The following CREM variants were observed in gnomAD, a reference collection of about 807,000 sequenced individuals.
CREM encodes the protein cAMP-responsive element modulator.
Under a neutral mutation model 37.3 loss-of-function variants are expected in CREM, and 13 were observed. That is an observed-to-expected ratio of 0.35 (90% CI 0.23 to 0.55). The LOEUF (loss-of-function observed/expected upper bound fraction) is 0.55, where lower values mean the gene tolerates loss of function less well. Among genes scored for constraint, CREM ranks in the 20% least tolerant of loss-of-function variants. CREM has a pLI of 0.88. For missense variants in CREM, 296 were observed against 362.3 expected (o/e 0.82, Z 1.49); for synonymous variants, 124 against 120.2 (o/e 1.03, Z -0.21).
intron 7 of CREM, among the ~76,000 whole-genome samples, chr10:35,210,021 C>T (rs1418188932): frequency 6.6e-6 from 1 of 151,128 alleles, no homozygotes; most frequent in Non-Finnish European, 1.5e-5. Flanking sequence ...CTCTTGCTTC[C>T]ATAGTGAAAA....
At chr10:35,175,857 C>T (rs2094038530) in intron 3 of CREM, 8 of 1,578,416 alleles carry the variant, frequency 5.1e-6, no homozygotes, top group Middle Eastern at 1.7e-4. Context: ...TGGCAGGTTT[C>T]TGTGGCTGGA....
At chr10:35,196,118 C>G in intron 6 of CREM, 1 of 1,613,852 alleles carries the variant, frequency 6.2e-7, no homozygotes. Flanking sequence ...GAGCCTCCTA[C>G]TGAGGCCGTC....
At chr10:35,145,312 T>A (rs1301541107) in intron 2 of CREM, among the ~76,000 whole-genome samples, 1 of 152,156 alleles carries the variant, frequency 6.6e-6, no homozygotes, top group African/African-American at 2.4e-5. Flanking sequence ...TCACCTATTC[T>A]GTTTCCCAGA....
chr10:35,175,552 G>GTACC lies in CREM; in HGVS notation c.169-3336_169-3335insACCT. ...AGGCTTCACTGTTAGTAGGCGTGAG[G>GTACC]TCGTAGTGAGGTAGTTTAACTGCTT... is the stretch of plus-strand genomic sequence containing the variant. On this transcript the variant is annotated intron_variant, in intron 3 of 7. Coordinates refer to ENST00000685392, the MANE Select transcript of CREM (RefSeq NM_183011.2). 14 of 877,890 alleles carry GTACC rather than the reference G, an allele frequency of 1.6e-5. No individual in the cohort carries two copies. In the South Asian group the frequency reaches 2.0e-4, roughly 13 times the overall value. 54.4% of individuals were successfully genotyped at this position (877,890 alleles called of 1,614,324 possible). A position where few individuals can be genotyped will look rare whatever the true frequency, so the allele number is the denominator to read the frequency against.
intron 3 of CREM, among the ~76,000 whole-genome samples, chr10:35,169,257 G>A (rs991152534): frequency 6.6e-6 from 1 of 152,078 alleles, no homozygotes; most frequent in Non-Finnish European, 1.5e-5. Flanking sequence ...ATTTGTTTGT[G>A]TCCTCTTTTA....
chr10:35,151,868 A>G (rs148809336), intron 3 of CREM, among the ~76,000 whole-genome samples: 2 of 152,364 alleles, frequency 1.3e-5, no homozygotes, highest in African/African-American at 4.8e-5. Context: ...TTTTCTGAAC[A>G]TAATTACTCA....
At chr10:35,134,911 G>A (rs1031745179) in intron 1 of CREM, among the ~76,000 whole-genome samples, 7 of 151,968 alleles carry the variant, frequency 4.6e-5, no homozygotes, top group African/African-American at 1.7e-4. Context: ...GGTGGCATGC[G>A]CCTGTAATCC....
At chr10:35,173,467 T>C (rs2093915635) in intron 3 of CREM, among the ~76,000 whole-genome samples, 1 of 152,194 alleles carries the variant, frequency 6.6e-6, no homozygotes, top group South Asian at 2.1e-4. Context: ...TGTAAAAATG[T>C]AAAACAGTGC....
chr10:35,134,431 G>C (rs1370916920), intron 1 of CREM, among the ~76,000 whole-genome samples: 2 of 152,082 alleles, frequency 1.3e-5, no homozygotes, highest in African/African-American at 2.4e-5. Context: ...TGGCCAGACT[G>C]GTCTTGAACT....
intron 3 of CREM, among the ~76,000 whole-genome samples, chr10:35,176,856 C>G (rs1384377988): frequency 6.6e-6 from 1 of 152,030 alleles, no homozygotes; most frequent in African/African-American, 2.4e-5. Context: ...CTCGATTAAA[C>G]CTTGGCTTTT....
chr10:35,188,488 A>G, intron 6 of CREM, 100 bp downstream of exon 6: 1 of 1,079,916 alleles, frequency 9.3e-7, no homozygotes, highest in Non-Finnish European at 1.3e-6. Context: ...TCGAAGGTAG[A>G]TGGTGGGGGG....
At chr10:35,163,285 G>A (rs997468405) in intron 3 of CREM, among the ~76,000 whole-genome samples, 11 of 152,104 alleles carry the variant, frequency 7.2e-5, no homozygotes, top group Admixed American at 7.2e-4. Flanking sequence ...TATTGGATAT[G>A]GTAATATACC....
intron 3 of CREM, among the ~76,000 whole-genome samples, chr10:35,157,152 C>T (rs2136234391): frequency 6.6e-6 from 1 of 152,268 alleles, no homozygotes; most frequent in Non-Finnish European, 1.5e-5. Context: ...ACCATATCAT[C>T]ATCTCAATAC....
At chr10:35,151,077 TAGAGAA>T (rs2092567269) in intron 3 of CREM, among the ~76,000 whole-genome samples, 2 of 152,126 alleles carry the variant, frequency 1.3e-5, no homozygotes, top group African/African-American at 4.8e-5. Flanking sequence ...CTTGAACTAA[TAGAGAA>T]AGATGGGTTT....
At chr10:35,136,083 T>C (rs554950395) in intron 1 of CREM, among the ~76,000 whole-genome samples, 2 of 152,322 alleles carry the variant, frequency 1.3e-5, no homozygotes, top group African/African-American at 4.8e-5. Context: ...AAGTTGGTGC[T>C]TTCTTCAGTG....
chr10:35,194,387 C>G (rs2095059782), intron 6 of CREM, among the ~76,000 whole-genome samples: 1 of 152,058 alleles, frequency 6.6e-6, no homozygotes, highest in South Asian at 2.1e-4. Context: ...AATGTCTTTT[C>G]AGGGGGTTTT....
chr10:35,178,786 C>A, intron 3 of CREM, 103 bp from the exon 4 acceptor site: 1 of 812,334 alleles, frequency 1.2e-6, no homozygotes, highest in South Asian at 1.9e-5. Context: ...GCTTCCACAG[C>A]TCCTGGCTCA....
intron 5 of CREM, among the ~76,000 whole-genome samples, chr10:35,185,505 A>G (rs2094520704): frequency 6.6e-6 from 1 of 152,220 alleles, no homozygotes; most frequent in Admixed American, 6.5e-5. Flanking sequence ...TGAAAAATAC[A>G]CATTCAAATA....
At chr10:35,169,965 C>CT (rs71033381) in intron 3 of CREM, among the ~76,000 whole-genome samples, 24,690 of 135,386 alleles carry the variant, frequency 0.18, 2,391 homozygotes, top group East Asian at 0.25. Context: ...GGTGGAGAAG[C>CT]TTTTTTTTTT....
Sources: gnomAD v4.1 joint callset for allele counts (sites outside exome capture counted in the v4.1 genomes callset) on GRCh38, gnomAD v4.1.1 for gene constraint, MANE v1.5 for transcripts, NCBI Gene and HGNC (gene_info 2026-07-23, HGNC 2026-07-21) for gene names.